SHPRH: variants seen among roughly 807,000 people sequenced by gnomAD.
SHPRH encodes E3 ubiquitin-protein ligase SHPRH.
Under a neutral mutation model 202.5 loss-of-function variants are expected in SHPRH, and 106 were observed. The observed-to-expected ratio is 0.52, with a 90% CI of 0.45 to 0.62. The LOEUF is 0.62. Among genes scored for constraint, SHPRH ranks in the 20% least tolerant of loss-of-function variants. SHPRH has a pLI of 0.00. For missense variants in SHPRH, 1,710 were observed against 2,020.0 expected, an observed-to-expected ratio of 0.85 and a Z score of 2.94; for synonymous variants, 729 against 686.0, an observed-to-expected ratio of 1.06 and a Z score of -0.98.
At position 145,952,477 on chromosome 6, in the gene SHPRH, A is replaced by C; in HGVS notation, c.635T>G (p.Val212Gly). The stretch of plus-strand genomic sequence containing the variant: ...GCCAGCTTCCAAAAGATAAATTCCA[A>C]CCTAAAAACAATTAATCAAAATAAA... The part of the protein sequence containing the change: ...QKPEGNHIIK[V>G]GIYLLEAGLA... Residue 212 changes from valine (V) to glycine (G), a missense_variant and splice_region_variant, in exon 3 of 30, where the codon GTT (valine) becomes GGT (glycine). Val to Gly is a moderately radical substitution (Grantham distance 109). Transcript: ENST00000275233. The C allele has an allele frequency of 6.2e-7, 1 of 1,601,474 alleles. No individual in the cohort carries two copies.
At chr6:145,957,001 T>C (rs1215670855) in intron 1 of SHPRH, among the ~76,000 whole-genome samples, 4 of 151,984 alleles carry the variant, frequency 2.6e-5, no homozygotes, top group Non-Finnish European at 5.9e-5. Flanking sequence ...AAGACATATG[T>C]CAAAAGAAAT....
intron 22 of SHPRH, chr6:145,918,809 A>G (rs1051993152): frequency 4.6e-5 from 7 of 152,742 alleles, no homozygotes; most frequent in African/African-American, 1.7e-4. Flanking sequence ...CTAAACAAAT[A>G]AGGAATAAAA....
At chr6:145,933,942 GAAATA>G (rs901007142) in intron 13 of SHPRH, among the ~76,000 whole-genome samples, 39 of 152,048 alleles carry the variant, frequency 2.6e-4, no homozygotes, top group African/African-American at 9.2e-4. Context: ...TGGGAACTAT[GAAATA>G]AAATAAGAGC....
downstream of SHPRH, among the ~76,000 whole-genome samples, chr6:145,882,079 G>C (rs967596958): frequency 6.7e-6 from 1 of 150,086 alleles, no homozygotes; most frequent in African/African-American, 2.5e-5. Context: ...CTGGGTAACA[G>C]AGACTGTGTC....
exon 3 of SHPRH, chr6:145,864,317 A>G: frequency 2.5e-6 from 1 of 393,542 alleles, no homozygotes; most frequent in Non-Finnish European, 5.3e-6. Context: ...CTTGTGCAAA[A>G]CATCTCTAAA....
At chr6:145,950,972 A>C (rs1787916505) in intron 3 of SHPRH, among the ~76,000 whole-genome samples, 1 of 152,136 alleles carries the variant, frequency 6.6e-6, no homozygotes, top group African/African-American at 2.4e-5. Context: ...TGTAATTTTA[A>C]CATACAAAAT....
In SHPRH at chr6:145,924,760, G is replaced by A; in HGVS notation, c.3381C>T (p.Thr1127=). 1 of 1,611,510 alleles carries A rather than the reference G, an allele frequency of 6.2e-7. No homozygotes were observed. The highest frequency in any genetic ancestry group is 1.7e-5 in the Admixed American group (1 of 59,836). ...ATACCTTTCTTTGAAGCTCATGGAT[G>A]GTCTGCTGCACAGGATATAAAGCTT... ...AQQALYPVQQ[T]IHELQRKIHS... Residue 1127 remains threonine, a synonymous_variant, in exon 17 of 30, where the codon ACC becomes ACT. Coordinates refer to ENST00000275233, the MANE Select transcript of SHPRH (RefSeq NM_001042683.3).
intron 18 of SHPRH, among the ~76,000 whole-genome samples, chr6:145,923,196 C>G (rs992180602): frequency 4.0e-5 from 6 of 151,456 alleles, no homozygotes; most frequent in Non-Finnish European, 8.8e-5. Context: ...GAGGAGGTGC[C>G]TGCAGGATGA....
chr6:145,922,958 T>G (rs1784553340), intron 18 of SHPRH, 122 bp from the exon 19 acceptor site: 4 of 1,170,018 alleles, frequency 3.4e-6, no homozygotes, highest in Middle Eastern at 4.3e-4. Flanking sequence ...TTTTTTTTTT[T>G]TAACAGCAAC....
At chr6:145,936,405 C>A (rs527302000) in intron 11 of SHPRH, among the ~76,000 whole-genome samples, 1 of 152,198 alleles carries the variant, frequency 6.6e-6, no homozygotes, top group Non-Finnish European at 1.5e-5. Context: ...TCTTAGCTCA[C>A]TGCAGCCTCA....
chr6:145,904,712 T>G (rs965508118), intron 25 of SHPRH: 4 of 152,104 alleles, frequency 2.6e-5, no homozygotes, highest in Non-Finnish European at 4.4e-5. Context: ...GGATAAAATT[T>G]GCCCGCACAA....
chr6:145,918,999 T>A lies in SHPRH; in HGVS notation c.4152+349A>T, dbSNP rs1387389630. 3 of 168,052 alleles carry A rather than the reference T, an allele frequency of 1.8e-5. No individual in the cohort carries two copies. In the East Asian group the frequency reaches 5.0e-4, roughly 28 times the overall value. 10.4% of individuals were successfully genotyped at this position (168,052 alleles called of 1,614,324 possible). Reference sequence around the variant, plus strand: ...TTCAGTTGTTTTTAAGGAAGATTTTTCTAGTTCTGATAAAACTGAGGTGAC... The same window carrying A: ...TTCAGTTGTTTTTAAGGAAGATTTTACTAGTTCTGATAAAACTGAGGTGAC... On this transcript the variant is annotated intron_variant, in intron 22 of 29. Coordinates refer to ENST00000275233, the MANE Select transcript of SHPRH (RefSeq NM_001042683.3).
At chr6:145,957,454 A>C (rs1489079118) in intron 1 of SHPRH, among the ~76,000 whole-genome samples, 1 of 152,200 alleles carries the variant, frequency 6.6e-6, no homozygotes, top group Non-Finnish European at 1.5e-5. Context: ...TTAGCAAATC[A>C]AGTATCTGAT....
At position 145,870,237 on chromosome 6, in the gene SHPRH, G is replaced by GT. The variant is rs537509748; in HGVS notation, c.222-5747dup. 1.5e-3 allele frequency among the ~76,000 whole-genome samples: 230 copies of GT among 149,388 alleles called. 1 individual carries two copies. Among genetic ancestry groups the GT allele is most frequent in the Admixed American group, 8.0e-3 (120 of 14,960 alleles). ...ATAATCTCTTATTAGTTCCAGAAGGGTTTTTTTGTCAATCGTTTCAGATTT... is the reference window on the plus strand; with the variant it reads ...ATAATCTCTTATTAGTTCCAGAAGGGTTTTTTTTGTCAATCGTTTCAGATTT... On this transcript the variant is annotated intron_variant, in intron 2 of 2. Transcript: ENST00000417762.
At chr6:145,947,721 G>A (rs1372810708) in intron 5 of SHPRH, 78 bp from the exon 6 acceptor site, 3 of 1,528,246 alleles carry the variant, frequency 2.0e-6, no homozygotes, top group Non-Finnish European at 2.7e-6. Context: ...TTTTCCTAAA[G>A]AGAACTGGAA....
chr6:145,934,849 T>C, intron 13 of SHPRH, 58 bp downstream of exon 13: 1 of 1,497,704 alleles, frequency 6.7e-7, no homozygotes, highest in Non-Finnish European at 9.0e-7. Context: ...ACCGTGGGCC[T>C]GAAATATTGT....
In SHPRH at chr6:145,884,988, G is replaced by C. The variant is rs1780874753; in HGVS notation, c.*1703C>G. 6.6e-6 allele frequency: 1 copy of C among 151,996 alleles called. No homozygotes were observed. Among genetic ancestry groups the C allele is most frequent in the South Asian group, 2.1e-4 (1 of 4,824 alleles). The allele number at this position is 151,996 out of a possible 1,614,324, so 9.4% of individuals were successfully genotyped here. On this transcript the variant is annotated 3_prime_UTR_variant, in exon 30 of 30. Coordinates refer to ENST00000275233, the MANE Select transcript of SHPRH (RefSeq NM_001042683.3). ...AGGAATAGTAGAAAACAAACACAAAGAAATACTGAAATAGTCTCATTTTTA... is the reference window on the plus strand; with the variant it reads ...AGGAATAGTAGAAAACAAACACAAACAAATACTGAAATAGTCTCATTTTTA...
chr6:145,885,894 A>C lies in SHPRH; in HGVS notation c.*797T>G, dbSNP rs1780962737. ...TATTTCCATGTTATAATAAAACAAA[A>C]TCATAAAAACTGCAATATTTACAGA... On this transcript the variant is annotated 3_prime_UTR_variant, in exon 30 of 30. Coordinates refer to ENST00000275233, the MANE Select transcript of SHPRH (RefSeq NM_001042683.3). The C allele has an allele frequency of 6.6e-6, 1 of 152,156 alleles. No homozygotes were observed. The highest frequency in any genetic ancestry group is 1.5e-5 in the Non-Finnish European group (1 of 68,036). The allele number at this position is 152,156 out of a possible 1,614,324, so 9.4% of individuals were successfully genotyped here.
chr6:145,958,775 G>C (rs1464981027), intron 1 of SHPRH, among the ~76,000 whole-genome samples: 1 of 152,124 alleles, frequency 6.6e-6, no homozygotes, highest in East Asian at 1.9e-4. Context: ...CCATAAGGGA[G>C]CTGAAAAATT....
Sources: gnomAD v4.1 joint callset for allele counts (sites outside exome capture counted in the v4.1 genomes callset) on GRCh38, gnomAD v4.1.1 for gene constraint, MANE v1.5 for transcripts, NCBI Gene and HGNC (gene_info 2026-07-23, HGNC 2026-07-21) for gene names.